Variants in GANAB observed in about 807,000 individuals in gnomAD.
GANAB encodes the protein neutral alpha-glucosidase AB.
Under a neutral mutation model 129.9 loss-of-function variants are expected in GANAB, and 35 were observed. That is an observed-to-expected ratio of 0.27 (90% CI 0.21 to 0.36). The LOEUF is 0.36. Among genes scored for constraint, GANAB ranks in the 10% least tolerant of loss-of-function variants. GANAB has a pLI of 1.00. For missense variants in GANAB, 939 were observed against 1,221.0 expected (o/e 0.77, Z 3.44); for synonymous variants, 482 against 451.8 (o/e 1.07, Z -0.85).
intron 1 of GANAB, 87 bp downstream of exon 1, chr11:62,646,475 T>C (rs1421851957): frequency 4.1e-6 from 6 of 1,451,352 alleles, no homozygotes; most frequent in African/African-American, 1.4e-5. Flanking sequence ...GGTGGCAGAG[T>C]GTCAAGAGAC....
rs547918769 is a variant in GANAB at position 62,631,998 on chromosome 11, G to C, written c.996+567C>G. ...CTTTCTTTTTTTTTTTTCTGAAACA[G>C]AGTCTCACTCTGTCACCCAGGCTGG... is the stretch of plus-strand genomic sequence containing the variant. On this transcript the variant is annotated intron_variant, in intron 9 of 23. Transcript: ENST00000356638. Among the ~76,000 whole-genome samples the C allele has an allele frequency of 1.5e-3, 226 of 149,602 alleles. 1 individual carries two copies. Among genetic ancestry groups the C allele is most frequent in the African/African-American group, 5.2e-3 (212 of 40,552 alleles).
At chr11:62,644,330 T>C in intron 1 of GANAB, among the ~76,000 whole-genome samples, 1 of 150,212 alleles carries the variant, frequency 6.7e-6, no homozygotes, top group East Asian at 1.9e-4. Context: ...AAACTGGGGG[T>C]GGGAGGGTTC....
intron 4 of GANAB, 35 bp from the exon 5 acceptor site, chr11:62,635,035 C>A: frequency 6.6e-7 from 1 of 1,519,686 alleles, no homozygotes; most frequent in Non-Finnish European, 9.1e-7. Context: ...TAAGGAAGTA[C>A]AAAGGGCCAA....
Position 62,624,834 on chromosome 11 carries a change from G to A in GANAB, c.*981C>T. The A allele has an allele frequency of 4.7e-6, 1 of 213,570 alleles. No homozygotes were observed. Among genetic ancestry groups the A allele is most frequent in the Admixed American group, 5.3e-5 (1 of 18,932 alleles). 13.2% of individuals were successfully genotyped at this position (213,570 alleles called of 1,614,324 possible). ...ATCCAGACTACCACCAGTTATTTAT[G>A]GTTTATCCCTTTATTGTTTCTCCTT... On this transcript the variant is annotated 3_prime_UTR_variant, in exon 24 of 24. Coordinates refer to ENST00000356638, the MANE Select transcript of GANAB (RefSeq NM_198334.3).
intron 14 of GANAB, 27 bp from the exon 15 acceptor site, chr11:62,629,711 G>T: frequency 6.2e-7 from 1 of 1,605,382 alleles, no homozygotes; most frequent in African/African-American, 1.3e-5. Flanking sequence ...GAGACGGGTA[G>T]TGAGGAGCAA....
At chr11:62,636,932 T>A (rs1165739296) in intron 4 of GANAB, among the ~76,000 whole-genome samples, 7 of 151,440 alleles carry the variant, frequency 4.6e-5, no homozygotes, top group African/African-American at 1.5e-4. Flanking sequence ...TCTCAAAAAA[T>A]ATATATATAT....
In GANAB at chr11:62,625,547, T is replaced by G. The variant is rs917472962; in HGVS notation, c.*268A>C. Reference sequence around the variant, plus strand: ...GGGCCCTGTGGTTTCCTGGTGTTCGTAAGTGAATGTGCTCCAGTTAGAGCA... The same window carrying G: ...GGGCCCTGTGGTTTCCTGGTGTTCGGAAGTGAATGTGCTCCAGTTAGAGCA... On this transcript the variant is annotated 3_prime_UTR_variant, in exon 24 of 24. Transcript: ENST00000356638. The G allele has an allele frequency of 2.0e-6, 1 of 502,798 alleles. No homozygotes were observed. Among genetic ancestry groups the G allele is most frequent in the Admixed American group, 3.3e-5 (1 of 30,766 alleles). 31.1% of individuals were successfully genotyped at this position (502,798 alleles called of 1,614,324 possible).
At position 62,625,451 on chromosome 11, in the gene GANAB, C is replaced by T. The variant is rs944107950; in HGVS notation, c.*364G>A. On this transcript the variant is annotated 3_prime_UTR_variant, in exon 24 of 24. Transcript: ENST00000356638. Reference sequence around the variant, plus strand: ...TCTTCCAAGAAGTGGCATCAACATACAAGAGGCATGAATGGATAGACTCTG... The same window carrying T: ...TCTTCCAAGAAGTGGCATCAACATATAAGAGGCATGAATGGATAGACTCTG... 2 of 397,040 alleles carry T rather than the reference C, an allele frequency of 5.0e-6. No homozygotes were observed. The highest frequency in any genetic ancestry group is 3.3e-5 in the Admixed American group (1 of 30,458). 24.6% of individuals were successfully genotyped at this position (397,040 alleles called of 1,614,324 possible).
chr11:62,632,817 G>T, intron 8 of GANAB, 72 bp from the exon 9 acceptor site: 2 of 1,232,958 alleles, frequency 1.6e-6, no homozygotes, highest in African/African-American at 1.5e-5. Flanking sequence ...CCACTCCACA[G>T]ACACAGGTGA....
chr11:62,644,426 T>C (rs543206715), intron 1 of GANAB, among the ~76,000 whole-genome samples: 40 of 151,224 alleles, frequency 2.6e-4, no homozygotes, highest in African/African-American at 3.6e-4. Flanking sequence ...AAAGGGAAGA[T>C]TGGGCAACAC....
In GANAB at chr11:62,630,802, G is replaced by A. The variant is rs113677430; in HGVS notation, c.1185C>T (p.Gly395=). 5.2e-3 allele frequency: 8,424 copies of A among 1,613,958 alleles called. 30 individuals are homozygous for A. Among genetic ancestry groups the A allele is most frequent in the Non-Finnish European group, 6.4e-3 (7,606 of 1,179,946 alleles). ...TQALPPLFSL[G]YHQSRWNYRD... ...GGTAGTTCCAACGGCTCTGGTGGTA[G>A]CCGAGGGAGAAGAGTGGGGGCAACG... The change falls in exon 11 of 24, where the codon GGC becomes GGT. Residue 395 remains glycine, a synonymous_variant. Transcript: ENST00000356638.
At chr11:62,639,249 A>G (rs1171125207) in intron 3 of GANAB, 110 bp downstream of exon 3, 6 of 1,297,196 alleles carry the variant, frequency 4.6e-6, no homozygotes, top group South Asian at 2.4e-5. Context: ...TCATAAAGTA[A>G]AAGTCCAAAG....
In GANAB at chr11:62,629,200, A is replaced by C. The variant is rs1286930758; in HGVS notation, c.1930T>G (p.Cys644Gly). The change falls in exon 16 of 24, where the codon TGT (cysteine) becomes GGT (glycine). Residue 644 changes from cysteine (C) to glycine (G), a missense_variant. Physicochemically the swap from Cys to Gly is radical, Grantham distance 159 (BLOSUM62 -3). Around this residue, in one of 5 missense-constraint regions of GANAB, gnomAD observed 147 missense variants for 282.4 expected, o/e 0.52. Transcript: ENST00000356638. ...LSLGLVGLSF[C>G]GADVGGFFKN... ...AAATTCCTCCCTGTCTTACCCCCAC[A>C]GAAGGAAAGTCCCACCAGCCCCAAG... 6.2e-7 allele frequency: 1 copy of C among 1,609,704 alleles called. No individual in the cohort carries two copies. The highest frequency in any genetic ancestry group is 8.5e-7 in the Non-Finnish European group (1 of 1,176,164).
In GANAB at chr11:62,627,029, A is replaced by G. The variant is rs1010001494; in HGVS notation, c.2322+19T>C. 3.1e-6 allele frequency: 5 copies of G among 1,607,136 alleles called. No homozygotes were observed. The South Asian group carries it at 3.3e-5, about 11-fold the overall frequency. On this transcript the variant is annotated intron_variant, in intron 19 of 23. Coordinates refer to ENST00000356638, the MANE Select transcript of GANAB (RefSeq NM_198334.3). The stretch of plus-strand genomic sequence containing the variant: ...TTGGCTTCCACCATCTTTCCCCACC[A>G]TGCCCTTCCTTAACTCACCTCCCCT...
intron 5 of GANAB, chr11:62,634,456 C>T: frequency 1.1e-6 from 1 of 906,692 alleles, no homozygotes; most frequent in South Asian, 1.4e-5. Flanking sequence ...AAGTGAGTTT[C>T]AGTCGACAAA....
intron 5 of GANAB, chr11:62,634,242 C>A: frequency 2.8e-6 from 3 of 1,087,004 alleles, no homozygotes; most frequent in East Asian, 2.4e-5. Flanking sequence ...GCACCTCCCC[C>A]CAAAGGCTAG....
At position 62,628,803 on chromosome 11, in the gene GANAB, A is replaced by G. The variant is rs1480454252; in HGVS notation, c.2146T>C (p.Tyr716His). ...GGAATGCCTTCCCGATGGGCCTGAT[A>G]TAAGAGGGTGTACCAGAAGGGCAGC... ...SLLPFWYTLL[Y>H]QAHREGIPVM... The change falls in exon 17 of 24, where the codon TAT becomes CAT. Residue 716 changes from tyrosine to histidine, a missense_variant. By Grantham distance (83) the Tyr-to-His change is moderately conservative. Around this residue, in one of 5 missense-constraint regions of GANAB, gnomAD observed 147 missense variants for 282.4 expected, o/e 0.52. Transcript: ENST00000356638. 6.8e-6 allele frequency: 11 copies of G among 1,614,104 alleles called. No homozygotes were observed. Among genetic ancestry groups the G allele is most frequent in the Non-Finnish European group, 9.3e-6 (11 of 1,180,008 alleles).
Position 62,639,423 on chromosome 11 carries a change from A to G in GANAB, c.188T>C (p.Leu63Ser), listed in dbSNP as rs767382805. The G allele has an allele frequency of 6.8e-6, 11 of 1,613,664 alleles. No homozygotes were observed. In the South Asian group the frequency reaches 9.9e-5, roughly 14 times the overall value. ...AGGACCAAGCTGTAGAGAGTCCAGC[A>G]AGGCTCGGTATGGAGAGAGGCCTGG... ...IRPGLSPYRA[L>S]LDSLQLGPDS... Residue 63 changes from leucine (L) to serine (S), a missense_variant, in exon 3 of 24, where the codon TTG (leucine) becomes TCG (serine). Transcript: ENST00000356638.
At position 62,624,869 on chromosome 11, in the gene GANAB, C is replaced by T. The variant is rs1943291629; in HGVS notation, c.*946G>A. ...TTTATTGTTTCTCCTTTGATCAAAACGTGTCACAGCTGGGAACCAAGAGGA... is the reference window on the plus strand; with the variant it reads ...TTTATTGTTTCTCCTTTGATCAAAATGTGTCACAGCTGGGAACCAAGAGGA... On this transcript the variant is annotated 3_prime_UTR_variant, in exon 24 of 24. Transcript: ENST00000356638. The T allele has an allele frequency of 8.1e-6, 2 of 245,826 alleles. No homozygotes were observed. The highest frequency in any genetic ancestry group is 4.2e-5 in the South Asian group (1 of 23,640). 15.2% of individuals were successfully genotyped at this position (245,826 alleles called of 1,614,324 possible).
Sources: gnomAD v4.1 joint callset for allele counts (sites outside exome capture counted in the v4.1 genomes callset) on GRCh38, gnomAD v4.1.1 for gene constraint, gnomAD v4.1.1 regional missense constraint, MANE v1.5 for transcripts, NCBI Gene and HGNC (gene_info 2026-07-23, HGNC 2026-07-21) for gene names.